The following CALD1 variants were observed in gnomAD, a reference collection of about 807,000 sequenced individuals.
The protein encoded by CALD1 is caldesmon 1, also known as caldesmon.
A neutral mutation model predicts 99.9 loss-of-function variants in CALD1; 33 were observed. That is an observed-to-expected ratio of 0.33 (90% CI 0.25 to 0.44). The LOEUF (loss-of-function observed/expected upper bound fraction) is 0.44, where lower values mean the gene tolerates loss of function less well. Among genes scored for constraint, CALD1 ranks in the 20% least tolerant of loss-of-function variants. The probability of loss-of-function intolerance (pLI) is 1.00; values close to 1 mark genes in which losing one functional copy is unlikely to be tolerated. For synonymous variants in CALD1, 310 were observed against 325.0 expected (o/e 0.95, Z 0.50); for missense variants, 861 against 962.1 (o/e 0.89, Z 1.39).
intron 2 of CALD1, among the ~76,000 whole-genome samples, chr7:134,858,899 C>T (rs997876372): frequency 2.0e-5 from 3 of 152,132 alleles, no homozygotes; most frequent in African/African-American, 7.2e-5. Flanking sequence ...TAGAGCTGTC[C>T]AGTAGAACTT....
At chr7:134,952,411 C>T (rs2133172102) in intron 9 of CALD1, among the ~76,000 whole-genome samples, 1 of 151,988 alleles carries the variant, frequency 6.6e-6, no homozygotes, top group South Asian at 2.1e-4. Context: ...TTACATTTTA[C>T]AGTTATTACT....
chr7:134,785,106 A>G (rs1477133751), intron 1 of CALD1, among the ~76,000 whole-genome samples: 1 of 152,208 alleles, frequency 6.6e-6, no homozygotes, highest in Non-Finnish European at 1.5e-5. Flanking sequence ...CATGGAAGGC[A>G]AATTAGCTGA....
At chr7:134,811,335 G>T (rs1275684685) in intron 1 of CALD1, among the ~76,000 whole-genome samples, 1 of 152,166 alleles carries the variant, frequency 6.6e-6, no homozygotes, top group Non-Finnish European at 1.5e-5. Context: ...CAGGGGTCTG[G>T]AGTACAATCA....
At chr7:134,729,144 G>A in the CALD1 span, among the ~76,000 whole-genome samples, 8 of 152,080 alleles carry the variant, frequency 5.3e-5, no homozygotes, top group Non-Finnish European at 8.8e-5. Context: ...GAGCTGCCAC[G>A]CCTGGCCAAA....
At chr7:134,921,150 A>G (rs1468920778) in intron 3 of CALD1, among the ~76,000 whole-genome samples, 2 of 152,230 alleles carry the variant, frequency 1.3e-5, no homozygotes, top group Non-Finnish European at 2.9e-5. Flanking sequence ...TCCCAAATTC[A>G]TGTCCACACC....
At chr7:134,839,662 A>C (rs1463420486) in intron 1 of CALD1, among the ~76,000 whole-genome samples, 1 of 152,126 alleles carries the variant, frequency 6.6e-6, no homozygotes, top group African/African-American at 2.4e-5. Context: ...GAGATTGAGC[A>C]CTTTTTCATA....
At chr7:134,836,102 G>A (rs552615391) in intron 1 of CALD1, among the ~76,000 whole-genome samples, 24 of 146,302 alleles carry the variant, frequency 1.6e-4, no homozygotes, top group Admixed American at 6.3e-4. Flanking sequence ...CTGAGATCGC[G>A]TCACTGCACT....
At chr7:134,944,051 A>C (rs1342145739) in intron 7 of CALD1, among the ~76,000 whole-genome samples, 2 of 152,220 alleles carry the variant, frequency 1.3e-5, no homozygotes, top group African/African-American at 4.8e-5. Context: ...GTTCCTGTAC[A>C]GTAATATGAT....
intron 11 of CALD1, among the ~76,000 whole-genome samples, chr7:134,958,824 T>C (rs535807585): frequency 3.1e-4 from 47 of 149,576 alleles, no homozygotes; most frequent in African/African-American, 1.1e-3. Flanking sequence ...GCGTGAATAT[T>C]GTTTAATGAA....
intron 1 of CALD1, among the ~76,000 whole-genome samples, chr7:134,831,551 C>T (rs2132076322): frequency 6.6e-6 from 1 of 152,228 alleles, no homozygotes; most frequent in Non-Finnish European, 1.5e-5. Flanking sequence ...GAACTCCTGA[C>T]CTCGTGATCT....
chr7:134,770,437 G>A (rs1187075293), intron 1 of CALD1, among the ~76,000 whole-genome samples: 3 of 152,142 alleles, frequency 2.0e-5, no homozygotes, highest in African/African-American at 7.2e-5. Flanking sequence ...TTTTTCTGGG[G>A]CCCTGAGGGA....
At chr7:134,773,987 G>C (rs1796898056) in intron 1 of CALD1, among the ~76,000 whole-genome samples, 1 of 152,024 alleles carries the variant, frequency 6.6e-6, no homozygotes, top group South Asian at 2.1e-4. Flanking sequence ...TGGCCAACAT[G>C]GGGAAACCCC....
intron 1 of CALD1, among the ~76,000 whole-genome samples, chr7:134,824,002 A>C (rs553014008): frequency 2.0e-5 from 3 of 152,350 alleles, no homozygotes; most frequent in South Asian, 4.1e-4. Flanking sequence ...GATTTGGTCC[A>C]TTAAGAATAA....
intron 3 of CALD1, among the ~76,000 whole-genome samples, chr7:134,907,505 A>G (rs1319951224): frequency 6.6e-6 from 1 of 152,056 alleles, no homozygotes; most frequent in Non-Finnish European, 1.5e-5. Context: ...ACCAAGCCCA[A>G]CCCTTCTTAA....
intron 3 of CALD1, among the ~76,000 whole-genome samples, chr7:134,887,205 C>G (rs1219978527): frequency 6.6e-6 from 1 of 152,172 alleles, no homozygotes; most frequent in African/African-American, 2.4e-5. Context: ...TTCAAGATCA[C>G]AGGACATGAC....
At chr7:134,909,969 C>T (rs960458782) in intron 3 of CALD1, among the ~76,000 whole-genome samples, 2 of 152,086 alleles carry the variant, frequency 1.3e-5, no homozygotes, top group African/African-American at 2.4e-5. Flanking sequence ...CACAAAGGGA[C>T]ATTGGACAAT....
intron 3 of CALD1, among the ~76,000 whole-genome samples, chr7:134,900,581 G>A (rs1345925437): frequency 6.6e-6 from 1 of 152,058 alleles, no homozygotes; most frequent in Non-Finnish European, 1.5e-5. Context: ...GTACATTCTT[G>A]ACAAATAAGA....
intron 2 of CALD1, among the ~76,000 whole-genome samples, chr7:134,863,980 C>T (rs960309673): frequency 6.6e-6 from 1 of 152,124 alleles, no homozygotes; most frequent in Non-Finnish European, 1.5e-5. Context: ...GAAGCCCTGG[C>T]GTGGTGGTAA....
chr7:134,847,719 T>C (rs1799911092), intron 2 of CALD1, among the ~76,000 whole-genome samples: 1 of 152,144 alleles, frequency 6.6e-6, no homozygotes, highest in Non-Finnish European at 1.5e-5. Context: ...GGCACCTCCA[T>C]GAAAACACAC....
Sources: gnomAD v4.1 joint callset for allele counts (sites outside exome capture counted in the v4.1 genomes callset) on GRCh38, gnomAD v4.1.1 for gene constraint, MANE v1.5 for transcripts, NCBI Gene and HGNC (gene_info 2026-07-23, HGNC 2026-07-21) for gene names.